SLC25A21: variants seen among roughly 807,000 people sequenced by gnomAD.
The protein encoded by SLC25A21 is solute carrier family 25 member 21.
SLC25A21 carries 47 observed loss-of-function variants against 43.8 expected under a neutral mutation model. The ratio of observed to expected loss-of-function variants is 1.07; its 90% CI spans 0.85 to 1.37. The LOEUF is 1.37. Among genes scored for constraint, SLC25A21 ranks in the 40% most tolerant of loss-of-function variants. The pLI is 0.00. For synonymous variants in SLC25A21, 131 were observed against 121.3 expected (o/e 1.08, Z -0.52); for missense variants, 352 against 350.2 (o/e 1.00, Z -0.04).
intron 3 of SLC25A21, among the ~76,000 whole-genome samples, chr14:36,737,695 A>G (rs549782209): frequency 3.3e-5 from 5 of 152,316 alleles, no homozygotes; most frequent in African/African-American, 1.2e-4. Context: ...ATACAATATG[A>G]TACAGGGTCA....
At chr14:36,947,985 G>A (rs769265857) in intron 1 of SLC25A21, among the ~76,000 whole-genome samples, 1 of 149,984 alleles carries the variant, frequency 6.7e-6, no homozygotes, top group Non-Finnish European at 1.5e-5. Context: ...CTTTTTCCTT[G>A]AAGAAGGGAC....
chr14:36,995,560 T>G (rs1960354326), intron 1 of SLC25A21, among the ~76,000 whole-genome samples: 1 of 152,214 alleles, frequency 6.6e-6, no homozygotes, highest in South Asian at 2.1e-4. Context: ...CAAATCAAAG[T>G]TATTCAACAC....
chr14:36,790,969 T>C (rs1051274454), intron 3 of SLC25A21, among the ~76,000 whole-genome samples: 3 of 148,986 alleles, frequency 2.0e-5, no homozygotes, highest in Non-Finnish European at 4.5e-5. Flanking sequence ...CCAAATTAAA[T>C]TCAGCAAAAT....
chr14:36,713,441 G>C (rs1272050528), intron 6 of SLC25A21, among the ~76,000 whole-genome samples: 2 of 152,028 alleles, frequency 1.3e-5, no homozygotes, highest in African/African-American at 4.8e-5. Flanking sequence ...CACTGGCTTG[G>C]GTGCTGTGTG....
intron 1 of SLC25A21, among the ~76,000 whole-genome samples, chr14:37,055,291 T>A (rs764221720): frequency 4.7e-4 from 71 of 152,168 alleles, no homozygotes; most frequent in Non-Finnish European, 9.4e-4. Context: ...CACGATGAGA[T>A]GAAACTTCGG....
At chr14:36,700,247 C>G (rs936645555) in intron 7 of SLC25A21, among the ~76,000 whole-genome samples, 3 of 152,194 alleles carry the variant, frequency 2.0e-5, no homozygotes, top group Non-Finnish European at 4.4e-5. Flanking sequence ...TTTCCATCCC[C>G]TTCTTCCAAC....
chr14:36,792,326 G>A (rs1887516273), intron 3 of SLC25A21, among the ~76,000 whole-genome samples: 1 of 152,096 alleles, frequency 6.6e-6, no homozygotes, highest in Admixed American at 6.6e-5. Flanking sequence ...CTTTTGAAGG[G>A]ACTTTAACAG....
intron 1 of SLC25A21, among the ~76,000 whole-genome samples, chr14:36,898,030 A>G (rs8013104): frequency 0.19 from 28,328 of 152,138 alleles, 3,764 homozygotes; most frequent in East Asian, 0.42. Flanking sequence ...CTCCAGCTGC[A>G]TGCTGGGAGA....
At chr14:37,127,761 A>C (rs1963322866) in intron 1 of SLC25A21, among the ~76,000 whole-genome samples, 1 of 152,234 alleles carries the variant, frequency 6.6e-6, no homozygotes. Flanking sequence ...TCAAAACTAA[A>C]GATCTGGTCA....
chr14:37,064,392 G>C (rs1050950799), intron 1 of SLC25A21, among the ~76,000 whole-genome samples: 2 of 152,028 alleles, frequency 1.3e-5, no homozygotes, highest in Admixed American at 1.3e-4. Context: ...ATAATTGCAT[G>C]AGCCAGTTGA....
chr14:36,823,610 T>A (rs916393980), intron 2 of SLC25A21, among the ~76,000 whole-genome samples: 2 of 152,072 alleles, frequency 1.3e-5, no homozygotes, highest in African/African-American at 4.8e-5. Flanking sequence ...AGACTGGAAA[T>A]AGAACCCATT....
At chr14:36,875,196 T>C (rs909434209) in intron 1 of SLC25A21, among the ~76,000 whole-genome samples, 192 bp from the exon 2 acceptor site, 1 of 152,200 alleles carries the variant, frequency 6.6e-6, no homozygotes, top group African/African-American at 2.4e-5. Flanking sequence ...AAGTAAGATA[T>C]GTGAGCGAGT....
At chr14:36,987,597 A>C (rs1960174229) in intron 1 of SLC25A21, among the ~76,000 whole-genome samples, 1 of 152,130 alleles carries the variant, frequency 6.6e-6, no homozygotes. Flanking sequence ...TCACCTCATT[A>C]AAAGCTCTTC....
At chr14:37,115,870 A>G (rs892092592) in intron 1 of SLC25A21, among the ~76,000 whole-genome samples, 2 of 152,242 alleles carry the variant, frequency 1.3e-5, no homozygotes, top group Non-Finnish European at 2.9e-5. Context: ...TTCAGATCCC[A>G]TAACTGTAAT....
chr14:36,955,287 G>A (rs961419421), intron 1 of SLC25A21, among the ~76,000 whole-genome samples: 2 of 152,136 alleles, frequency 1.3e-5, no homozygotes, highest in Non-Finnish European at 2.9e-5. Context: ...TAGGTATAAT[G>A]GCTGACATTA....
At chr14:36,751,795 T>A (rs1240607470) in intron 3 of SLC25A21, among the ~76,000 whole-genome samples, 2 of 152,224 alleles carry the variant, frequency 1.3e-5, no homozygotes, top group Non-Finnish European at 2.9e-5. Flanking sequence ...GTTTTATCAA[T>A]GTGGATAGTT....
intron 1 of SLC25A21, among the ~76,000 whole-genome samples, chr14:36,918,372 A>AATG (rs1891888483): frequency 6.6e-6 from 1 of 152,132 alleles, no homozygotes; most frequent in Admixed American, 6.6e-5. Flanking sequence ...TTTCCCTTGT[A>AATG]ATGCTAAACT....
At chr14:36,921,387 A>G (rs929459053) in intron 1 of SLC25A21, among the ~76,000 whole-genome samples, 1 of 152,180 alleles carries the variant, frequency 6.6e-6, no homozygotes, top group Non-Finnish European at 1.5e-5. Context: ...GATGCAAAAT[A>G]ATAGAGTCCT....
intron 1 of SLC25A21, among the ~76,000 whole-genome samples, chr14:36,905,383 TC>T (rs1334815260): frequency 4.6e-5 from 7 of 152,198 alleles, no homozygotes; most frequent in African/African-American, 1.7e-4. Context: ...GAATCAATAT[TC>T]CTGCTATGAA....
Sources: allele counts gnomAD v4.1 joint callset (sites outside exome capture counted in the v4.1 genomes callset), GRCh38; gene constraint gnomAD v4.1.1; transcripts MANE v1.5; gene names NCBI Gene and HGNC (gene_info 2026-07-23, HGNC 2026-07-21).